Variants in LAMA3 observed in about 807,000 individuals in gnomAD.
The protein encoded by LAMA3 is laminin subunit alpha 3, also known as laminin subunit alpha-3.
LAMA3 carries 281 observed loss-of-function variants against 402.0 expected under a neutral mutation model. That is an observed-to-expected ratio of 0.70 (90% CI 0.63 to 0.77). The LOEUF (loss-of-function observed/expected upper bound fraction) is 0.77. Among genes scored for constraint, LAMA3 ranks in the 30% least tolerant of loss-of-function variants. The pLI, the probability that LAMA3 is intolerant of heterozygous loss-of-function variation, is 0.00. For synonymous variants in LAMA3, 1,431 were observed against 1,558.4 expected, an observed-to-expected ratio of 0.92 and a Z score of 1.93; for missense variants, 3,840 against 4,215.5, an observed-to-expected ratio of 0.91 and a Z score of 2.47.
chr18:23,871,391 C>A, intron 37 of LAMA3, 40 bp from the exon 38 acceptor site: 2 of 1,571,082 alleles, frequency 1.3e-6, no homozygotes, highest in Non-Finnish European at 1.8e-6. Flanking sequence ...GGAAGTGAGC[C>A]TGCCTAAGGA....
intron 40 of LAMA3, among the ~76,000 whole-genome samples, 163 bp downstream of exon 40, chr18:23,882,208 G>A (rs1244350131): frequency 1.3e-5 from 2 of 152,160 alleles, no homozygotes; most frequent in Admixed American, 6.5e-5. Context: ...TTGTGGTGGT[G>A]TTTGTACAAT....
intron 8 of LAMA3, among the ~76,000 whole-genome samples, chr18:23,769,116 G>A (rs2062140704): frequency 6.6e-6 from 1 of 152,072 alleles, no homozygotes; most frequent in African/African-American, 2.4e-5. Context: ...TAACAAATCT[G>A]TACATGTACC....
chr18:23,894,248 GA>G (rs771008450), intron 42 of LAMA3, 49 bp from the exon 43 acceptor site: 8 of 1,442,460 alleles, frequency 5.5e-6, no homozygotes, highest in Non-Finnish European at 7.8e-6. Context: ...AAGAGCAGAT[GA>G]AAAGTAAGTT....
At chr18:23,901,997 T>C (rs1204620790) in intron 48 of LAMA3, among the ~76,000 whole-genome samples, 2 of 152,246 alleles carry the variant, frequency 1.3e-5, no homozygotes, top group Admixed American at 1.3e-4. Context: ...CCCGGCCTTA[T>C]AGTTCATATT....
At chr18:23,797,305 C>T (rs1176713549) in intron 12 of LAMA3, among the ~76,000 whole-genome samples, 1 of 151,764 alleles carries the variant, frequency 6.6e-6, no homozygotes, top group African/African-American at 2.4e-5. Flanking sequence ...GAATTGATTA[C>T]TTGACCCACT....
intron 6 of LAMA3, among the ~76,000 whole-genome samples, 190 bp downstream of exon 6, chr18:23,754,002 G>A (rs542893243): frequency 1.4e-3 from 214 of 152,024 alleles, no homozygotes; most frequent in Non-Finnish European, 2.8e-3. Context: ...AACCCCTATA[G>A]GCCCTGGCAG....
chr18:23,866,024 G>A (rs1346040444), intron 36 of LAMA3, among the ~76,000 whole-genome samples: 1 of 152,194 alleles, frequency 6.6e-6, no homozygotes, highest in Admixed American at 6.5e-5. Flanking sequence ...TTAGAGATGG[G>A]GTTTCACCAT....
intron 12 of LAMA3, among the ~76,000 whole-genome samples, chr18:23,787,042 G>C (rs1487988658): frequency 6.6e-6 from 1 of 152,192 alleles, no homozygotes; most frequent in East Asian, 1.9e-4. Flanking sequence ...AGCACTTTGG[G>C]AGGCCAAGAG....
rs35332291 is a variant in LAMA3 at position 23,807,457 on chromosome 18, A to AGTGTGT, written c.1604-2894_1604-2889dup. On this transcript the variant is annotated intron_variant, in intron 12 of 74. Transcript: ENST00000313654. ...ATGTACATATAATATATATTGTGTG[A>AGTGTGT]GTGTGTGTGTGTGTGTGTGTATGTG... is the stretch of plus-strand genomic sequence containing the variant. Among the ~76,000 whole-genome samples the AGTGTGT allele has an allele frequency of 4.5e-3, 665 of 149,078 alleles. 6 individuals are homozygous for AGTGTGT. In the East Asian group the frequency reaches 0.048, roughly 11 times the overall value.
At chr18:23,888,057 A>G (rs936312512) in intron 41 of LAMA3, among the ~76,000 whole-genome samples, 1 of 152,240 alleles carries the variant, frequency 6.6e-6, no homozygotes, top group Non-Finnish European at 1.5e-5. Context: ...ATTACATGGG[A>G]AGTTTAGATG....
chr18:23,729,573 C>T (rs1452113474), intron 2 of LAMA3, among the ~76,000 whole-genome samples: 1 of 152,216 alleles, frequency 6.6e-6, no homozygotes, highest in African/African-American at 2.4e-5. Flanking sequence ...GAAAACTCTT[C>T]AACATCTGCT....
In LAMA3 at chr18:23,819,982, A is replaced by T. The variant is rs761209917; in HGVS notation, c.2289A>T (p.Gln763His). ...AGTTTAGCTGGAGAGGATATGCCCA[A>T]ATGACCTCAGTACAGGTACGCAACC... ...FPEFSWRGYA[Q>H]MTSVQNDVRI... Residue 763 changes from glutamine (Q) to histidine (H), a missense_variant, in exon 19 of 75, where the codon CAA (glutamine) becomes CAT (histidine). By Grantham distance (24) the Gln-to-His change is conservative. Coordinates refer to ENST00000313654, the MANE Select transcript of LAMA3 (RefSeq NM_198129.4). 6.2e-7 allele frequency: 1 copy of T among 1,614,110 alleles called. No individual in the cohort carries two copies. Among genetic ancestry groups the T allele is most frequent in the Non-Finnish European group, 8.5e-7 (1 of 1,180,004 alleles).
chr18:23,784,019 G>A lies in LAMA3; in HGVS notation c.1469-4G>A. The stretch of plus-strand genomic sequence containing the variant: ...CCCTTCTGAAAGTTTCCTGTCTTCT[G>A]CAGGGTGTGACTGTAATCTGGAAGG... On this transcript the variant is annotated splice_region_variant and splice_polypyrimidine_tract_variant and intron_variant, in intron 11 of 74. Coordinates refer to ENST00000313654, the MANE Select transcript of LAMA3 (RefSeq NM_198129.4). 6.2e-7 allele frequency: 1 copy of A among 1,614,112 alleles called. No homozygotes were observed. Among genetic ancestry groups the A allele is most frequent in the Non-Finnish European group, 8.5e-7 (1 of 1,179,984 alleles).
chr18:23,718,341 G>C lies in LAMA3; in HGVS notation c.447+4269G>C, dbSNP rs2061147127. Among the ~76,000 whole-genome samples, 3 of 152,188 alleles carry C rather than the reference G, an allele frequency of 2.0e-5. No individual in the cohort carries two copies. In the South Asian group the frequency reaches 6.2e-4, roughly 32 times the overall value. On this transcript the variant is annotated intron_variant, in intron 2 of 74. Transcript: ENST00000313654. ...AGAAAAACATGAGGAGGTGGGTGCG[G>C]AGGGAGTTCCTATGGTCCATGACTT...
intron 5 of LAMA3, among the ~76,000 whole-genome samples, chr18:23,752,995 C>T (rs566958233): frequency 1.8e-4 from 28 of 152,324 alleles, no homozygotes; most frequent in African/African-American, 6.5e-4. Flanking sequence ...AGGTTGCTGG[C>T]AGAGGGAGCT....
At chr18:23,936,710 G>A (rs910888502) in intron 67 of LAMA3, among the ~76,000 whole-genome samples, 1 of 152,184 alleles carries the variant, frequency 6.6e-6, no homozygotes, top group Non-Finnish European at 1.5e-5. Context: ...TAGTGAGGAT[G>A]TGATTCCCAG....
chr18:23,753,948 G>A, intron 6 of LAMA3, 136 bp downstream of exon 6: 1 of 714,968 alleles, frequency 1.4e-6, no homozygotes, highest in East Asian at 2.7e-5. Context: ...AATAGGTGGG[G>A]GGTGTGTGCC....
Position 23,904,696 on chromosome 18 carries a change from TG to T in LAMA3, c.6615+5del, listed in dbSNP as rs761514675. ...AGTGCATCTGAATCTGCCCTCCAGG[TG>T]GGCACCTGTACCAGCAGCTTCTCCA... On this transcript the variant is annotated splice_donor_region_variant and intron_variant, in intron 51 of 74. Coordinates refer to ENST00000313654, the MANE Select transcript of LAMA3 (RefSeq NM_198129.4). The T allele has an allele frequency of 1.2e-6, 2 of 1,613,906 alleles. No homozygotes were observed. The highest frequency in any genetic ancestry group is 1.7e-6 in the Non-Finnish European group (2 of 1,179,890).
rs2063106239 is a variant in LAMA3 at position 23,813,105 on chromosome 18, T to C, written c.1788+2T>C. ...GCTGGTACCATCAACTCCAATTTGG[T>C]AAGTAGACTATAAAAGGGTTGCAAT... is the stretch of plus-strand genomic sequence containing the variant. On this transcript the variant is annotated splice_donor_variant, in intron 14 of 74. Coordinates refer to ENST00000313654, the MANE Select transcript of LAMA3 (RefSeq NM_198129.4). LOFTEE classifies it high-confidence loss of function. The C allele has an allele frequency of 6.3e-7, 1 of 1,596,056 alleles. No individual in the cohort carries two copies. The highest frequency in any genetic ancestry group is 1.7e-5 in the Admixed American group (1 of 59,992).
Sources: gnomAD v4.1 joint callset for allele counts (sites outside exome capture counted in the v4.1 genomes callset) on GRCh38, gnomAD v4.1.1 for gene constraint, MANE v1.5 for transcripts, NCBI Gene and HGNC (gene_info 2026-07-23, HGNC 2026-07-21) for gene names.